VAV3: variants seen among roughly 807,000 people sequenced by gnomAD.
VAV3 encodes vav guanine nucleotide exchange factor 3, also known as guanine nucleotide exchange factor VAV3.
Under a neutral mutation model 131.2 loss-of-function variants are expected in VAV3, and 94 were observed. The observed-to-expected ratio is 0.72, with a 90% CI of 0.61 to 0.85. The LOEUF (loss-of-function observed/expected upper bound fraction) is 0.85, where lower values mean the gene tolerates loss of function less well. Ranked by LOEUF, VAV3 falls within the 40% of genes least tolerant of loss-of-function variation. The pLI is 0.00. For synonymous variants in VAV3, 349 were observed against 342.0 expected, an observed-to-expected ratio of 1.02 and a Z score of -0.22; for missense variants, 939 against 1,002.7, an observed-to-expected ratio of 0.94 and a Z score of 0.86.
intron 2 of VAV3, among the ~76,000 whole-genome samples, chr1:107,798,501 G>A (rs977771780): frequency 2.6e-5 from 4 of 151,940 alleles, no homozygotes; most frequent in African/African-American, 9.7e-5. Flanking sequence ...GGCGGATCAT[G>A]AGGTCAGGAG....
chr1:107,731,117 AC>A (rs1662214008), intron 15 of VAV3, among the ~76,000 whole-genome samples: 1 of 152,186 alleles, frequency 6.6e-6, no homozygotes, highest in Non-Finnish European at 1.5e-5. Context: ...GACTCTAAAT[AC>A]TCTTAACATT....
chr1:107,795,671 G>T (rs889389485), intron 2 of VAV3, among the ~76,000 whole-genome samples: 2 of 152,228 alleles, frequency 1.3e-5, no homozygotes, highest in Admixed American at 1.3e-4. Context: ...TACAGGGGCA[G>T]CCCAGACTCA....
At chr1:107,779,596 TA>T in intron 2 of VAV3, 104 bp from the exon 3 acceptor site, 1 of 804,528 alleles carries the variant, frequency 1.2e-6, no homozygotes, top group Non-Finnish European at 1.8e-6. Context: ...AGCAGAAACA[TA>T]AATTTGCAGG....
intron 1 of VAV3, among the ~76,000 whole-genome samples, chr1:107,950,005 T>G (rs1472996129): frequency 6.6e-6 from 1 of 152,186 alleles, no homozygotes; most frequent in Non-Finnish European, 1.5e-5. Context: ...GCAGATGCTG[T>G]GAGCTGGTTG....
At chr1:107,830,820 T>C (rs2102387764) in intron 2 of VAV3, among the ~76,000 whole-genome samples, 1 of 152,284 alleles carries the variant, frequency 6.6e-6, no homozygotes, top group Non-Finnish European at 1.5e-5. Flanking sequence ...CCTCCTACCT[T>C]GGGAGGATCC....
At chr1:107,956,099 G>A (rs1206071690) in intron 1 of VAV3, among the ~76,000 whole-genome samples, 2 of 152,220 alleles carry the variant, frequency 1.3e-5, no homozygotes, top group Non-Finnish European at 2.9e-5. Flanking sequence ...CCTTGGCCAG[G>A]AGCACTGTTA....
intron 24 of VAV3, among the ~76,000 whole-genome samples, chr1:107,601,455 T>G (rs949735365): frequency 3.9e-5 from 6 of 152,226 alleles, no homozygotes; most frequent in Non-Finnish European, 7.3e-5. Flanking sequence ...TCAGTTTAAC[T>G]TTAATGTTAA....
chr1:107,686,034 T>TGGGGGGGGGGCGGGGGGGG (rs554715740), intron 18 of VAV3: 1 of 85,086 alleles, frequency 1.2e-5, no homozygotes, highest in African/African-American at 4.6e-5. Flanking sequence ...GTTGGGGGGG[T>TGGGGGGGGGGCGGGGGGGG]GGGGGGGGAG....
intron 19 of VAV3, among the ~76,000 whole-genome samples, chr1:107,658,348 T>C (rs1181525360): frequency 6.6e-6 from 1 of 152,238 alleles, no homozygotes; most frequent in African/African-American, 2.4e-5. Flanking sequence ...CAGTCTATCA[T>C]TGTTGGACAT....
At chr1:107,928,176 T>C (rs1673252889) in intron 1 of VAV3, among the ~76,000 whole-genome samples, 1 of 152,158 alleles carries the variant, frequency 6.6e-6, no homozygotes, top group African/African-American at 2.4e-5. Context: ...GCGGTGCCTC[T>C]ACAACTCTAC....
At chr1:107,928,829 A>C (rs1479459051) in intron 1 of VAV3, among the ~76,000 whole-genome samples, 2 of 152,222 alleles carry the variant, frequency 1.3e-5, no homozygotes, top group African/African-American at 2.4e-5. Context: ...GATAAGGAAG[A>C]AAGTTTATTC....
chr1:107,659,741 C>G (rs1372803966), intron 19 of VAV3, among the ~76,000 whole-genome samples: 1 of 152,142 alleles, frequency 6.6e-6, no homozygotes, highest in Non-Finnish European at 1.5e-5. Context: ...TAAGGATATG[C>G]TGTTACCCGC....
chr1:107,952,489 C>CATATATATATATATATATATATATATAT (rs1557943637), intron 1 of VAV3, among the ~76,000 whole-genome samples: 1 of 133,636 alleles, frequency 7.5e-6, no homozygotes, highest in Non-Finnish European at 1.5e-5. Context: ...TATATATACA[C>CATATATATATATATATATATATATATAT]ACATAAATTC....
chr1:107,766,780 G>C (rs937583417), intron 7 of VAV3, among the ~76,000 whole-genome samples: 1 of 151,864 alleles, frequency 6.6e-6, no homozygotes, highest in Non-Finnish European at 1.5e-5. Context: ...GGAGGAGGGA[G>C]AGCAGGGGAA....
chr1:107,890,987 C>G (rs1428557608), intron 1 of VAV3, among the ~76,000 whole-genome samples: 8 of 152,030 alleles, frequency 5.3e-5, no homozygotes, highest in Admixed American at 2.6e-4. Context: ...TTTAATCTAA[C>G]ACTGTTTGAA....
chr1:107,872,934 G>A lies in VAV3; in HGVS notation c.321+1967C>T, dbSNP rs1571074281. ...GCAGTTTTTACTTAGAGTATATAAT[G>A]CTTAATACTATTAGTACTGGTAAAT... On this transcript the variant is annotated intron_variant, in intron 2 of 26. Transcript: ENST00000370056. Among the ~76,000 whole-genome samples the A allele has an allele frequency of 3.3e-5, 5 of 152,234 alleles. No homozygotes were observed. The South Asian group carries it at 1.0e-3, about 32-fold the overall frequency.
At chr1:107,725,374 C>A (rs1661778086) in intron 15 of VAV3, among the ~76,000 whole-genome samples, 1 of 152,042 alleles carries the variant, frequency 6.6e-6, no homozygotes, top group African/African-American at 2.4e-5. Context: ...TGGAGCTTTC[C>A]ACAGAGATGG....
At chr1:107,929,287 C>CAA (rs372843076) in intron 1 of VAV3, among the ~76,000 whole-genome samples, 13,658 of 92,144 alleles carry the variant, frequency 0.15, 1,071 homozygotes, top group South Asian at 0.2. Flanking sequence ...CACTCTGTCT[C>CAA]AAAAAAAAAA....
intron 19 of VAV3, among the ~76,000 whole-genome samples, chr1:107,680,236 A>C (rs147201308): frequency 6.1e-4 from 93 of 151,986 alleles, no homozygotes; most frequent in African/African-American, 2.2e-3. Context: ...CCAAAAAAAA[A>C]ACCTCTCAAC....
Sources: gnomAD v4.1 joint callset for allele counts (sites outside exome capture counted in the v4.1 genomes callset) on GRCh38, gnomAD v4.1.1 for gene constraint, MANE v1.5 for transcripts, NCBI Gene and HGNC (gene_info 2026-07-23, HGNC 2026-07-21) for gene names.